BMP6: variants seen among roughly 807,000 people sequenced by gnomAD.
BMP6 encodes bone morphogenetic protein 6.
Under a neutral mutation model 54.1 loss-of-function variants are expected in BMP6, and 17 were observed. The ratio of observed to expected loss-of-function variants is 0.31; its 90% CI spans 0.22 to 0.47. BMP6 has a LOEUF of 0.47. Ranked by LOEUF, BMP6 falls within the 20% of genes least tolerant of loss-of-function variation. The pLI is 1.00. For synonymous variants in BMP6, 328 were observed against 291.2 expected (o/e 1.13, Z -1.28); for missense variants, 720 against 690.4 (o/e 1.04, Z -0.48).
intron 1 of BMP6, among the ~76,000 whole-genome samples, chr6:7,830,005 T>G (rs1315904788): frequency 1.3e-5 from 2 of 152,242 alleles, no homozygotes; most frequent in Non-Finnish European, 2.9e-5. Flanking sequence ...GAGACATTGC[T>G]GCCTTTTGAT....
At chr6:7,848,755 G>T (rs6924908) in intron 2 of BMP6, among the ~76,000 whole-genome samples, 11 of 152,204 alleles carry the variant, frequency 7.2e-5, no homozygotes, top group African/African-American at 2.6e-4. Context: ...ATGCCTTTGC[G>T]CTTTATTTAT....
intron 3 of BMP6, 67 bp downstream of exon 3, chr6:7,861,666 A>G: frequency 6.3e-7 from 1 of 1,588,130 alleles, no homozygotes; most frequent in Non-Finnish European, 8.6e-7. Flanking sequence ...CCCTTACAGC[A>G]GTTGTGATAG....
At chr6:7,727,676 G>C in intron 1 of BMP6, 57 bp downstream of exon 1, 2 of 1,446,416 alleles carry the variant, frequency 1.4e-6, no homozygotes, top group Non-Finnish European at 1.8e-6. Context: ...AGTGTCCCGG[G>C]CCCAGGGGAT....
At chr6:7,782,133 G>A (rs1014867824) in intron 1 of BMP6, among the ~76,000 whole-genome samples, 2 of 151,260 alleles carry the variant, frequency 1.3e-5, no homozygotes, top group Non-Finnish European at 1.5e-5. Flanking sequence ...AAGACATGGC[G>A]ATGGATAAGA....
At chr6:7,762,066 C>T (rs926712861) in intron 1 of BMP6, among the ~76,000 whole-genome samples, 4 of 152,018 alleles carry the variant, frequency 2.6e-5, no homozygotes, top group African/African-American at 4.8e-5. Context: ...GGATTACAGG[C>T]GCCCGCCACC....
At chr6:7,860,627 A>G (rs569207358) in intron 2 of BMP6, among the ~76,000 whole-genome samples, 1 of 152,336 alleles carries the variant, frequency 6.6e-6, no homozygotes, top group Admixed American at 6.5e-5. Context: ...ACTTTGCCTC[A>G]AAGAACCCCA....
chr6:7,765,335 G>A (rs1170203221), intron 1 of BMP6, among the ~76,000 whole-genome samples: 1 of 152,208 alleles, frequency 6.6e-6, no homozygotes, highest in Admixed American at 6.5e-5. Flanking sequence ...GATTGTAGGA[G>A]GGACAATGTA....
At chr6:7,855,602 C>T (rs1759216220) in intron 2 of BMP6, among the ~76,000 whole-genome samples, 1 of 129,328 alleles carries the variant, frequency 7.7e-6, no homozygotes, top group African/African-American at 3.0e-5. Context: ...TGCTCTGTCG[C>T]TCAGGCTGGG....
intron 1 of BMP6, among the ~76,000 whole-genome samples, chr6:7,831,147 C>T (rs1004103198): frequency 9.9e-5 from 15 of 152,172 alleles, no homozygotes; most frequent in Non-Finnish European, 1.5e-4. Flanking sequence ...TGCAGACACA[C>T]GCTACAACAT....
rs35888811 is a variant in BMP6 at position 7,804,284 on chromosome 6, CT to C, written c.665-40844del. Among the ~76,000 whole-genome samples, 188 of 149,268 alleles carry C rather than the reference CT, an allele frequency of 1.3e-3. 1 individual carries two copies. Among genetic ancestry groups the C allele is most frequent in the Non-Finnish European group, 1.7e-3 (111 of 67,116 alleles). On this transcript the variant is annotated intron_variant, in intron 1 of 6. Transcript: ENST00000283147. ...GAAATTAAAGCAGAGGTTAAAGTAA[CT>C]TTTTTTTTTTTAAACTCTCACTTAA... is the stretch of plus-strand genomic sequence containing the variant.
At chr6:7,803,340 A>G (rs1175632823) in intron 1 of BMP6, among the ~76,000 whole-genome samples, 2 of 152,152 alleles carry the variant, frequency 1.3e-5, no homozygotes, top group African/African-American at 2.4e-5. Context: ...ACTCAAATCC[A>G]CTGAAGGGTT....
chr6:7,794,430 C>T (rs935916921), intron 1 of BMP6, among the ~76,000 whole-genome samples: 1 of 151,998 alleles, frequency 6.6e-6, no homozygotes, highest in African/African-American at 2.4e-5. Context: ...CATAGCCTCT[C>T]TACTAAAAAT....
At chr6:7,863,110 T>G (rs925758607) in intron 4 of BMP6, among the ~76,000 whole-genome samples, 1 of 152,174 alleles carries the variant, frequency 6.6e-6, no homozygotes, top group African/African-American at 2.4e-5. Context: ...GCCATTCTTC[T>G]GCCTCAGCCT....
Position 7,726,951 on chromosome 6 carries a change from CG to C in BMP6, c.-1del. On this transcript the variant is annotated 5_prime_UTR_variant, in exon 1 of 7. Transcript: ENST00000283147. ...GATCCGCGGGGGCAGCCCGGCCGGGCGGGGATGCCGGGGCTGGGGCGGAGGG... is the reference window on the plus strand; with the variant it reads ...GATCCGCGGGGGCAGCCCGGCCGGGCGGGATGCCGGGGCTGGGGCGGAGGG... The C allele has an allele frequency of 8.8e-7, 1 of 1,132,006 alleles. No homozygotes were observed. The highest frequency in any genetic ancestry group is 1.1e-6 in the Non-Finnish European group (1 of 924,040). 70.1% of individuals were successfully genotyped at this position (1,132,006 alleles called of 1,614,324 possible). A position where few individuals can be genotyped will look rare whatever the true frequency, so the allele number is the denominator to read the frequency against.
At chr6:7,856,839 G>A (rs943691257) in intron 2 of BMP6, among the ~76,000 whole-genome samples, 22 of 151,638 alleles carry the variant, frequency 1.5e-4, no homozygotes, top group East Asian at 9.7e-4. Flanking sequence ...CTCGTGATCC[G>A]CCCGCCTCGG....
intron 2 of BMP6, among the ~76,000 whole-genome samples, chr6:7,853,371 G>A (rs1032898012): frequency 2.6e-5 from 4 of 152,186 alleles, no homozygotes; most frequent in East Asian, 3.8e-4. Context: ...AAATGGCATA[G>A]TCCTGGAAAC....
At chr6:7,803,971 A>C (rs11967986) in intron 1 of BMP6, among the ~76,000 whole-genome samples, 31,763 of 152,158 alleles carry the variant, frequency 0.21, 3,738 homozygotes, top group African/African-American at 0.31. Flanking sequence ...TGAGCATAGG[A>C]GCACATGGTC....
rs1045780818 is a variant in BMP6 at position 7,729,597 on chromosome 6, G to A, written c.664+1978G>A. Among the ~76,000 whole-genome samples, 4 of 152,124 alleles carry A rather than the reference G, an allele frequency of 2.6e-5. No individual in the cohort carries two copies. In the East Asian group the frequency reaches 7.7e-4, roughly 29 times the overall value. The stretch of plus-strand genomic sequence containing the variant: ...ATCAGTTAGGTCAGAATCTTTTGAG[G>A]GTGGGGCACAGGCATCATTTTTTTT... On this transcript the variant is annotated intron_variant, in intron 1 of 6. Transcript: ENST00000283147.
At chr6:7,821,069 G>A (rs909982153) in intron 1 of BMP6, among the ~76,000 whole-genome samples, 4 of 152,248 alleles carry the variant, frequency 2.6e-5, no homozygotes, top group African/African-American at 9.6e-5. Context: ...CAGCCCTGGG[G>A]TTGGGGACCC....
Sources: allele counts gnomAD v4.1 joint callset (sites outside exome capture counted in the v4.1 genomes callset), GRCh38; gene constraint gnomAD v4.1.1; transcripts MANE v1.5; gene names NCBI Gene and HGNC (gene_info 2026-07-23, HGNC 2026-07-21).